The following BAALC variants were observed in gnomAD, a reference collection of about 807,000 sequenced individuals.
BAALC encodes brain and acute leukemia cytoplasmic protein.
In BAALC, 9 loss-of-function variants were observed where a neutral mutation model predicts 15.5. The ratio of observed to expected loss-of-function variants is 0.58; its 90% confidence interval spans 0.35 to 1.02. The LOEUF is 1.02. Ranked by LOEUF, BAALC falls within the 50% of genes least tolerant of loss-of-function variation. The probability of loss-of-function intolerance (pLI) is 0.02; values close to 1 mark genes in which losing one functional copy is unlikely to be tolerated. For synonymous variants in BAALC, 80 were observed against 74.6 expected (o/e 1.07, Z -0.37); for missense variants, 201 against 192.4 (o/e 1.04, Z -0.27).
intron 1 of BAALC, among the ~76,000 whole-genome samples, chr8:103,176,165 A>AG (rs1304732740): frequency 1.3e-5 from 2 of 152,184 alleles, no homozygotes; most frequent in Non-Finnish European, 2.9e-5. Flanking sequence ...CTTTTTATTT[A>AG]GGGGGGCATG....
intron 1 of BAALC, among the ~76,000 whole-genome samples, chr8:103,207,267 C>G (rs969185342): frequency 6.6e-6 from 1 of 152,138 alleles, no homozygotes; most frequent in Non-Finnish European, 1.5e-5. Context: ...TAAAAGCAAA[C>G]AGAAGCTCAT....
chr8:103,207,411 G>A (rs1219781202), intron 1 of BAALC, among the ~76,000 whole-genome samples: 1 of 152,154 alleles, frequency 6.6e-6, no homozygotes, highest in Non-Finnish European at 1.5e-5. Flanking sequence ...ACAAGACAAA[G>A]GAAAAGGACT....
At chr8:103,185,614 A>G (rs1317504993) in intron 1 of BAALC, among the ~76,000 whole-genome samples, 2 of 152,248 alleles carry the variant, frequency 1.3e-5, no homozygotes, top group African/African-American at 4.8e-5. Context: ...AGGCCTCAAA[A>G]TTAAATGACT....
At chr8:103,215,154 GC>G (rs956299183) in intron 2 of BAALC, among the ~76,000 whole-genome samples, 3 of 151,894 alleles carry the variant, frequency 2.0e-5, no homozygotes, top group Non-Finnish European at 4.4e-5. Context: ...CTCATTTCCT[GC>G]CCCCCCATCC....
At chr8:103,189,402 A>G (rs1477499699) in intron 1 of BAALC, among the ~76,000 whole-genome samples, 2 of 152,236 alleles carry the variant, frequency 1.3e-5, no homozygotes, top group African/African-American at 4.8e-5. Flanking sequence ...ACGATCAAAA[A>G]CTGAAATACT....
At chr8:103,223,597 T>C (rs917489984) in intron 2 of BAALC, among the ~76,000 whole-genome samples, 7 of 152,018 alleles carry the variant, frequency 4.6e-5, no homozygotes, top group Admixed American at 4.6e-4. Context: ...ATATACAGAT[T>C]TAAGAAATGA....
intron 1 of BAALC, among the ~76,000 whole-genome samples, chr8:103,197,137 C>A (rs1812114918): frequency 6.6e-6 from 1 of 152,108 alleles, no homozygotes; most frequent in African/African-American, 2.4e-5. Flanking sequence ...CACCATACAC[C>A]CACTAATTAT....
intron 1 of BAALC, among the ~76,000 whole-genome samples, chr8:103,189,588 C>T (rs1245738410): frequency 6.6e-6 from 1 of 152,184 alleles, no homozygotes; most frequent in Non-Finnish European, 1.5e-5. Flanking sequence ...AGATGGCAGG[C>T]ATCAGCAAGC....
chr8:103,161,024 T>C (rs1038617123), intron 1 of BAALC, among the ~76,000 whole-genome samples: 7 of 152,212 alleles, frequency 4.6e-5, no homozygotes, highest in Admixed American at 3.9e-4. Flanking sequence ...GTATTAACCA[T>C]CACAGTGGTT....
At chr8:103,169,974 G>A (rs1170037990) in intron 1 of BAALC, among the ~76,000 whole-genome samples, 1 of 152,084 alleles carries the variant, frequency 6.6e-6, no homozygotes, top group South Asian at 2.1e-4. Context: ...GGGACAGAGG[G>A]ATAAAAAACA....
At chr8:103,174,173 G>GC (rs1811557630) in intron 1 of BAALC, among the ~76,000 whole-genome samples, 1 of 151,062 alleles carries the variant, frequency 6.6e-6, no homozygotes. Flanking sequence ...CATTCTGCCG[G>GC]CCTCCCCCAT....
intron 1 of BAALC, among the ~76,000 whole-genome samples, chr8:103,171,278 AAAG>A (rs1186662731): frequency 7.3e-6 from 1 of 137,580 alleles, no homozygotes; most frequent in African/African-American, 2.6e-5. Context: ...AGAGAAAAAG[AAAG>A]AAAGAGAGAA....
chr8:103,184,344 C>T (rs1047129467), intron 1 of BAALC, among the ~76,000 whole-genome samples: 1 of 152,140 alleles, frequency 6.6e-6, no homozygotes, highest in African/African-American at 2.4e-5. Context: ...TCTTTGGGAC[C>T]GAGGGTTATT....
intron 1 of BAALC, among the ~76,000 whole-genome samples, chr8:103,184,576 G>T (rs111678017): frequency 6.6e-6 from 1 of 152,358 alleles, no homozygotes; most frequent in Non-Finnish European, 1.5e-5. Flanking sequence ...GGTGACGACA[G>T]AACTCAGTCC....
At chr8:103,204,876 G>A (rs1812295124) in intron 1 of BAALC, among the ~76,000 whole-genome samples, 1 of 152,146 alleles carries the variant, frequency 6.6e-6, no homozygotes, top group African/African-American at 2.4e-5. Context: ...TTTTAAAGAT[G>A]AAACAAATTC....
At chr8:103,155,224 A>T (rs1026587142) in intron 1 of BAALC, among the ~76,000 whole-genome samples, 1 of 152,260 alleles carries the variant, frequency 6.6e-6, no homozygotes, top group Non-Finnish European at 1.5e-5. Flanking sequence ...GTAGGTTGAA[A>T]TAGTGTAATA....
In BAALC at chr8:103,229,508, G is replaced by A. The variant is rs1263585326; in HGVS notation, c.*1409G>A. 1.3e-5 allele frequency: 2 copies of A among 152,164 alleles called. No homozygotes were observed. The highest frequency in any genetic ancestry group is 2.9e-5 in the Non-Finnish European group (2 of 68,034). The allele number at this position is 152,164 out of a possible 1,614,324, so 9.4% of individuals were successfully genotyped here. On this transcript the variant is annotated 3_prime_UTR_variant, in exon 3 of 3. Transcript: ENST00000309982. ...CCTTCCTTCCTTCCATTGGCAGATT[G>A]TATATTTATTCACAAAACATTAAAT...
intron 1 of BAALC, among the ~76,000 whole-genome samples, chr8:103,179,620 G>T (rs1811682523): frequency 6.6e-6 from 1 of 152,230 alleles, no homozygotes; most frequent in Non-Finnish European, 1.5e-5. Context: ...GCTAGTTCAT[G>T]TGGGTGTGTC....
chr8:103,204,215 C>T (rs1239006278), intron 1 of BAALC, among the ~76,000 whole-genome samples: 1 of 152,074 alleles, frequency 6.6e-6, no homozygotes, highest in Non-Finnish European at 1.5e-5. Context: ...TGGCCATTTG[C>T]ATATCTTCTA....
Sources: gnomAD v4.1 joint callset for allele counts (sites outside exome capture counted in the v4.1 genomes callset) on GRCh38, gnomAD v4.1.1 for gene constraint, MANE v1.5 for transcripts, NCBI Gene and HGNC (gene_info 2026-07-23, HGNC 2026-07-21) for gene names.